Variants in FAT3 observed in about 807,000 individuals in gnomAD.
FAT3 encodes the protein protocadherin Fat 3.
In FAT3, 95 loss-of-function variants were observed where a neutral mutation model predicts 310.2. That is an observed-to-expected ratio of 0.31 (90% CI 0.26 to 0.36). The LOEUF (loss-of-function observed/expected upper bound fraction) is 0.36. Ranked by LOEUF, FAT3 falls within the 10% of genes least tolerant of loss-of-function variation. FAT3 has a pLI of 1.00. For synonymous variants in FAT3, 2,314 were observed against 2,192.9 expected (o/e 1.06, Z -1.54); for missense variants, 5,408 against 5,715.6 (o/e 0.95, Z 1.74).
intron 2 of FAT3, among the ~76,000 whole-genome samples, chr11:92,467,611 T>G (rs1426103317): frequency 6.6e-6 from 1 of 152,136 alleles, no homozygotes; most frequent in Non-Finnish European, 1.5e-5. Context: ...ACAATTTTGT[T>G]TCTTGGTGTT....
chr11:92,741,090 G>C (rs1238001850), intron 4 of FAT3, among the ~76,000 whole-genome samples: 1 of 152,100 alleles, frequency 6.6e-6, no homozygotes, highest in Non-Finnish European at 1.5e-5. Flanking sequence ...ACCCAGGCTG[G>C]AGTGCAGTGG....
intron 1 of FAT3, among the ~76,000 whole-genome samples, chr11:92,234,902 CAAA>C (rs35407952): frequency 1.0e-4 from 10 of 99,684 alleles, no homozygotes; most frequent in Non-Finnish European, 8.6e-5. Context: ...GACTCCGTCT[CAAA>C]AAAAAAAAAA....
intron 1 of FAT3, among the ~76,000 whole-genome samples, chr11:92,229,795 C>CTTTTTTTTTTTTTTTTTTTTTTTTT (rs375129999): frequency 9.3e-6 from 1 of 107,920 alleles, no homozygotes. Context: ...GATTTTTTTT[C>CTTTTTTTTTTTTTTTTTTTTTTTTT]TTTTTTTTTT....
intron 2 of FAT3, among the ~76,000 whole-genome samples, chr11:92,440,499 T>C (rs1329504338): frequency 6.6e-6 from 1 of 152,022 alleles, no homozygotes; most frequent in Non-Finnish European, 1.5e-5. Context: ...ATAGTCAGAG[T>C]GTGCTTCTGT....
rs956300946 is a variant in FAT3 at position 92,625,251 on chromosome 11, T to C, written c.3608-72133T>C. Among the ~76,000 whole-genome samples, 4 of 152,292 alleles carry C rather than the reference T, an allele frequency of 2.6e-5. No homozygotes were observed. In the South Asian group the frequency reaches 6.2e-4, roughly 24 times the overall value. On this transcript the variant is annotated intron_variant, in intron 3 of 27. Coordinates refer to ENST00000525166, the MANE Select transcript of FAT3 (RefSeq NM_001367949.2). ...CAATAACTGCTTGCTTTTGTGACTT[T>C]TATGTTATGCCTATGCAACAACTCT...
chr11:92,777,552 A>T (rs894921786), intron 7 of FAT3, among the ~76,000 whole-genome samples: 2 of 152,326 alleles, frequency 1.3e-5, no homozygotes, highest in Admixed American at 1.3e-4. Context: ...CCTCCTAGCA[A>T]GATGGACAAG....
At chr11:92,882,585 T>TCCCCCCCCCCCCCCCCCCC (rs58520864) in intron 23 of FAT3, among the ~76,000 whole-genome samples, 153 bp from the exon 24 acceptor site, 15 of 93,240 alleles carry the variant, frequency 1.6e-4, no homozygotes, top group Non-Finnish European at 2.4e-4. Flanking sequence ...TAACTCCCCC[T>TCCCCCCCCCCCCCCCCCCC]CCCCCCCCCC....
rs756902208 is a variant in FAT3 at position 92,762,007 on chromosome 11, C to G, written c.3821C>G (p.Pro1274Arg). Residue 1274 changes from proline to arginine, a missense_variant, in exon 5 of 28, where the codon CCG becomes CGG. By Grantham distance (103) the Pro-to-Arg change is moderately radical. Transcript: ENST00000525166. The stretch of plus-strand genomic sequence containing the variant: ...CGTGACCGAAAGAAGAGAGGAGAAC[C>G]GATTTACAGGGCTTTTGCATTTGAT... ...PERDRKKRGE[P>R]IYRAFAFDRD... 1.2e-6 allele frequency: 2 copies of G among 1,613,860 alleles called. No homozygotes were observed. Among genetic ancestry groups the G allele is most frequent in the Non-Finnish European group, 1.7e-6 (2 of 1,179,864 alleles).
intron 13 of FAT3, among the ~76,000 whole-genome samples, chr11:92,818,181 T>C (rs1366492198): frequency 6.6e-6 from 1 of 152,204 alleles, no homozygotes. Context: ...AGCCTTCTGA[T>C]TTCCCGAAGG....
At chr11:92,863,645 T>C (rs1354062702) in intron 21 of FAT3, among the ~76,000 whole-genome samples, 1 of 152,236 alleles carries the variant, frequency 6.6e-6, no homozygotes, top group Admixed American at 6.5e-5. Flanking sequence ...TACAGTTTCA[T>C]GCACACCTCA....
At chr11:92,755,630 G>A (rs113067625) in intron 4 of FAT3, among the ~76,000 whole-genome samples, 7 of 152,242 alleles carry the variant, frequency 4.6e-5, no homozygotes, top group South Asian at 2.1e-4. Context: ...ATATCAAAAC[G>A]TCATGTTGTA....
chr11:92,463,373 A>C (rs191212159), intron 2 of FAT3, among the ~76,000 whole-genome samples: 1 of 152,130 alleles, frequency 6.6e-6, no homozygotes, highest in Non-Finnish European at 1.5e-5. Flanking sequence ...GAACAAGACT[A>C]CCTGTCTACA....
At chr11:92,287,713 T>C (rs1211304625) in intron 1 of FAT3, among the ~76,000 whole-genome samples, 1 of 152,154 alleles carries the variant, frequency 6.6e-6, no homozygotes, top group East Asian at 1.9e-4. Context: ...TCTTTTGCTC[T>C]TCAAATAGCA....
intron 4 of FAT3, among the ~76,000 whole-genome samples, chr11:92,715,991 C>T (rs1374110343): frequency 2.6e-5 from 4 of 152,006 alleles, no homozygotes; most frequent in Non-Finnish European, 1.5e-5. Flanking sequence ...AAATACAGAA[C>T]CATAAAAGGT....
chr11:92,234,472 T>G (rs944004816), intron 1 of FAT3, among the ~76,000 whole-genome samples: 6 of 152,066 alleles, frequency 3.9e-5, no homozygotes, highest in Non-Finnish European at 8.8e-5. Flanking sequence ...ATGTTAAAGT[T>G]TAAGAATTTC....
chr11:92,769,590 T>G (rs1946410506), intron 6 of FAT3, among the ~76,000 whole-genome samples: 1 of 152,124 alleles, frequency 6.6e-6, no homozygotes, highest in Admixed American at 6.5e-5. Flanking sequence ...GGATGGGGGG[T>G]GCTGTCACCC....
At chr11:92,408,508 G>A (rs1170853902) in intron 2 of FAT3, among the ~76,000 whole-genome samples, 1 of 152,180 alleles carries the variant, frequency 6.6e-6, no homozygotes, top group African/African-American at 2.4e-5. Context: ...AGCCTGGGTT[G>A]GAAGATGACA....
intron 1 of FAT3, among the ~76,000 whole-genome samples, chr11:92,348,454 G>C (rs1948473165): frequency 6.6e-6 from 1 of 152,092 alleles, no homozygotes; most frequent in Non-Finnish European, 1.5e-5. Flanking sequence ...TCTTTGCCTT[G>C]AAAGATTCAC....
chr11:92,262,418 A>G (rs926601710), intron 1 of FAT3, among the ~76,000 whole-genome samples: 2 of 152,128 alleles, frequency 1.3e-5, no homozygotes, highest in African/African-American at 4.8e-5. Flanking sequence ...TGACATATCA[A>G]GCTTTCCCAT....
Sources: gnomAD v4.1 joint callset for allele counts (sites outside exome capture counted in the v4.1 genomes callset) on GRCh38, gnomAD v4.1.1 for gene constraint, MANE v1.5 for transcripts, NCBI Gene and HGNC (gene_info 2026-07-23, HGNC 2026-07-21) for gene names.